The following GRID2 variants were observed in gnomAD, a reference collection of about 807,000 sequenced individuals.
GRID2 encodes glutamate receptor ionotropic, delta-2.
In GRID2, 33 loss-of-function variants were observed where a neutral mutation model predicts 114.8. That is an observed-to-expected ratio of 0.29 (90% CI 0.22 to 0.38). The LOEUF (loss-of-function observed/expected upper bound fraction) is 0.38, where lower values mean the gene tolerates loss of function less well. GRID2 is among the 10% of genes least tolerant of loss of function. GRID2 has a pLI of 1.00. For missense variants in GRID2, 1,184 were observed against 1,257.7 expected (o/e 0.94, Z 0.89); for synonymous variants, 505 against 449.9 (o/e 1.12, Z -1.55).
chr4:93,741,159 C>CTATA lies in GRID2; in HGVS notation c.2361-28040_2361-28037dup, dbSNP rs879839195. On this transcript the variant is annotated intron_variant, in intron 14 of 15. Coordinates refer to ENST00000282020, the MANE Select transcript of GRID2 (RefSeq NM_001510.4). ...TAACTAACTGATTTCACCTGAGAAACTATATATATATATACATATATATAT... is the reference window on the plus strand; with the variant it reads ...TAACTAACTGATTTCACCTGAGAAACTATATATATATATATATACATATATATAT... Among the ~76,000 whole-genome samples, 96 of 47,124 alleles carry CTATA rather than the reference C, an allele frequency of 2.0e-3. 2 individuals are homozygous for CTATA. Among genetic ancestry groups the CTATA allele is most frequent in the African/African-American group, 4.3e-3 (33 of 7,738 alleles). The allele number at this position is 47,124 out of a possible 152,430, so 30.9% of individuals were successfully genotyped here.
chr4:93,545,273 G>A (rs1733097644), intron 13 of GRID2, among the ~76,000 whole-genome samples: 1 of 152,170 alleles, frequency 6.6e-6, no homozygotes, highest in African/African-American at 2.4e-5. Flanking sequence ...ATAAGACTGG[G>A]AGGAACTAAT....
downstream of GRID2, among the ~76,000 whole-genome samples, chr4:93,777,258 C>T (rs1365625762): frequency 6.6e-6 from 1 of 152,234 alleles, no homozygotes; most frequent in Non-Finnish European, 1.5e-5. Flanking sequence ...GATCAAGGAA[C>T]TTGCTCTCAT....
chr4:93,310,331 C>T (rs1445553976), intron 8 of GRID2, among the ~76,000 whole-genome samples: 4 of 151,894 alleles, frequency 2.6e-5, no homozygotes, highest in Non-Finnish European at 1.5e-5. Flanking sequence ...GCCAGCTTGG[C>T]CAACATGGTA....
intron 2 of GRID2, among the ~76,000 whole-genome samples, chr4:92,802,396 T>C (rs896421598): frequency 2.6e-5 from 4 of 151,976 alleles, no homozygotes; most frequent in Admixed American, 1.3e-4. Context: ...TCCACCATTA[T>C]AGTGTTATAC....
At chr4:92,607,415 T>C (rs1729512245) in intron 2 of GRID2, among the ~76,000 whole-genome samples, 1 of 151,972 alleles carries the variant, frequency 6.6e-6, no homozygotes, top group African/African-American at 2.4e-5. Context: ...TTCCTTTATT[T>C]CATTCTTTGT....
intron 14 of GRID2, among the ~76,000 whole-genome samples, chr4:93,727,513 G>A (rs1193548165): frequency 6.6e-5 from 10 of 152,158 alleles, no homozygotes; most frequent in Admixed American, 6.5e-5. Flanking sequence ...AATGAGTTAC[G>A]GAGGATTCCC....
At chr4:93,770,572 T>C (rs1734025754) in intron 15 of GRID2, among the ~76,000 whole-genome samples, 1 of 152,222 alleles carries the variant, frequency 6.6e-6, no homozygotes, top group Admixed American at 6.5e-5. Flanking sequence ...GAATTTTAGC[T>C]TCCTACCTGT....
chr4:92,411,651 GTGTGTATA>G (rs1190953440), intron 1 of GRID2, among the ~76,000 whole-genome samples: 13 of 96,348 alleles, frequency 1.3e-4, no homozygotes, highest in Middle Eastern at 5.2e-3. Context: ...GTGTGTGTGT[GTGTGTATA>G]TATATATATA....
Position 93,513,641 on chromosome 4 carries a change from A to G in GRID2, c.1998-1575A>G, listed in dbSNP as rs556246653. 3.3e-4 allele frequency among the ~76,000 whole-genome samples: 50 copies of G among 152,338 alleles called. No homozygotes were observed. In the Middle Eastern group the frequency reaches 0.01, roughly 31 times the overall value. On this transcript the variant is annotated intron_variant, in intron 12 of 15. Transcript: ENST00000282020. ...TTTCTCTTCAGATAGGATGATTTAA[A>G]TGCATTATTTTATGCAACAGATGTG...
intron 4 of GRID2, among the ~76,000 whole-genome samples, chr4:93,150,005 T>C (rs775176846): frequency 3.9e-5 from 6 of 151,928 alleles, no homozygotes; most frequent in African/African-American, 1.4e-4. Flanking sequence ...GAAGTATCCA[T>C]TGGTCAATTT....
intron 1 of GRID2, among the ~76,000 whole-genome samples, chr4:92,481,263 C>T (rs2149104775): frequency 6.6e-6 from 1 of 151,960 alleles, no homozygotes; most frequent in South Asian, 2.1e-4. Context: ...TTATAGAGTA[C>T]CCTTAAAGTT....
intron 14 of GRID2, among the ~76,000 whole-genome samples, chr4:93,703,406 C>T (rs1374060484): frequency 6.6e-6 from 1 of 152,050 alleles, no homozygotes; most frequent in Admixed American, 6.6e-5. Flanking sequence ...TATAACCATT[C>T]CAATTATACT....
At chr4:92,304,929 T>C (rs1299078654) in intron 1 of GRID2, among the ~76,000 whole-genome samples, 185 bp downstream of exon 1, 2 of 152,170 alleles carry the variant, frequency 1.3e-5, no homozygotes, top group African/African-American at 4.8e-5. Flanking sequence ...TGCTCGAACC[T>C]CGACTGACTT....
At chr4:92,449,646 T>G (rs538385903) in intron 1 of GRID2, among the ~76,000 whole-genome samples, 2 of 143,472 alleles carry the variant, frequency 1.4e-5, no homozygotes, top group African/African-American at 5.1e-5. Flanking sequence ...TTACTTGTAA[T>G]ATAATCAAAT....
chr4:93,594,154 T>G (rs1738753864), intron 13 of GRID2, among the ~76,000 whole-genome samples: 1 of 152,120 alleles, frequency 6.6e-6, no homozygotes, highest in Non-Finnish European at 1.5e-5. Flanking sequence ...TTTCCAGTTT[T>G]TCTGTTCTGT....
chr4:92,849,267 C>A (rs189470843), intron 2 of GRID2, among the ~76,000 whole-genome samples: 1 of 151,892 alleles, frequency 6.6e-6, no homozygotes, highest in Admixed American at 6.6e-5. Context: ...GATACATCAG[C>A]AGATGCATTT....
intron 13 of GRID2, among the ~76,000 whole-genome samples, chr4:93,523,734 C>G (rs1375080086): frequency 6.6e-6 from 1 of 152,114 alleles, no homozygotes; most frequent in African/African-American, 2.4e-5. Context: ...GCTTGGCTAA[C>G]AGCAATCTCA....
intron 2 of GRID2, among the ~76,000 whole-genome samples, chr4:92,762,137 T>A (rs971370836): frequency 3.3e-5 from 5 of 151,994 alleles, no homozygotes; most frequent in South Asian, 2.1e-4. Context: ...ATGGTCTCCA[T>A]CTCCTGAACT....
chr4:92,962,472 C>A (rs545913990), intron 2 of GRID2, among the ~76,000 whole-genome samples: 1 of 151,956 alleles, frequency 6.6e-6, no homozygotes, highest in South Asian at 2.1e-4. Context: ...GAGTATTTTC[C>A]TTCTCCCAGT....
Sources: gnomAD v4.1 joint callset for allele counts (sites outside exome capture counted in the v4.1 genomes callset) on GRCh38, gnomAD v4.1.1 for gene constraint, MANE v1.5 for transcripts, NCBI Gene and HGNC (gene_info 2026-07-23, HGNC 2026-07-21) for gene names.